C8orf34: variants seen among roughly 807,000 people sequenced by gnomAD.
C8orf34 encodes the protein chromosome 8 open reading frame 34.
A neutral mutation model predicts 68.3 loss-of-function variants in C8orf34; 65 were observed. The observed-to-expected ratio is 0.95, with a 90% CI of 0.78 to 1.17. C8orf34 has a LOEUF of 1.17. Among genes scored for constraint, C8orf34 ranks in the 50% most tolerant of loss-of-function variants. C8orf34 has a pLI of 0.00. For synonymous variants in C8orf34, 244 were observed against 241.2 expected (o/e 1.01, Z -0.11); for missense variants, 664 against 655.4 (o/e 1.01, Z -0.14).
At chr8:68,737,949 C>T (rs1173613684) in intron 10 of C8orf34, among the ~76,000 whole-genome samples, 1 of 152,116 alleles carries the variant, frequency 6.6e-6, no homozygotes, top group Admixed American at 6.5e-5. Context: ...ACAATACTCT[C>T]CATCCCAAAA....
At chr8:68,687,755 A>G (rs1420578555) in intron 8 of C8orf34, among the ~76,000 whole-genome samples, 1 of 152,054 alleles carries the variant, frequency 6.6e-6, no homozygotes, top group Non-Finnish European at 1.5e-5. Flanking sequence ...AAACAAAAAT[A>G]AATAAATAGG....
chr8:68,497,595 A>G (rs1450764675), intron 5 of C8orf34, among the ~76,000 whole-genome samples: 1 of 152,192 alleles, frequency 6.6e-6, no homozygotes, highest in Non-Finnish European at 1.5e-5. Flanking sequence ...ATAACAAAAG[A>G]GTAGAAAAAC....
At position 68,657,951 on chromosome 8, in the gene C8orf34, AT is replaced by A. The variant is rs200596043; in HGVS notation, c.1241+17449del. Among the ~76,000 whole-genome samples, 852 of 151,852 alleles carry A rather than the reference AT, an allele frequency of 5.6e-3. 12 individuals carry two copies. The highest frequency in any genetic ancestry group is 0.02 in the African/African-American group (816 of 41,440). ...CAAATTTCTACTCTGATGGTTTTAA[AT>A]TTTTTTTTATTATGGTCTCAAATAT... On this transcript the variant is annotated intron_variant, in intron 8 of 13. Transcript: ENST00000518698.
intron 4 of C8orf34, among the ~76,000 whole-genome samples, chr8:68,475,986 C>G (rs1165513094): frequency 6.6e-6 from 1 of 152,174 alleles, no homozygotes; most frequent in Admixed American, 6.5e-5. Flanking sequence ...CTGCTAATAG[C>G]AACCTGCACT....
intron 10 of C8orf34, among the ~76,000 whole-genome samples, chr8:68,744,599 G>A (rs1322219939): frequency 1.3e-5 from 2 of 152,104 alleles, no homozygotes; most frequent in Non-Finnish European, 2.9e-5. Context: ...AGAAGCCTCA[G>A]GAGCCGATGC....
chr8:68,463,707 T>C (rs1174724485), intron 3 of C8orf34, among the ~76,000 whole-genome samples: 5 of 152,148 alleles, frequency 3.3e-5, no homozygotes, highest in African/African-American at 9.7e-5. Context: ...ATTATCTCAA[T>C]AGATGCAGAA....
chr8:68,689,471 A>T (rs1004127028), intron 8 of C8orf34, among the ~76,000 whole-genome samples: 1 of 152,096 alleles, frequency 6.6e-6, no homozygotes, highest in Non-Finnish European at 1.5e-5. Context: ...TAACCCAGGT[A>T]ATGTGGCCTC....
chr8:68,594,071 G>A (rs539487333), intron 7 of C8orf34, among the ~76,000 whole-genome samples: 1 of 151,972 alleles, frequency 6.6e-6, no homozygotes, highest in East Asian at 1.9e-4. Flanking sequence ...CTTTTTTGGG[G>A]GCCATAGAGT....
At chr8:68,362,681 G>C (rs1018849634) in intron 1 of C8orf34, among the ~76,000 whole-genome samples, 35 of 152,238 alleles carry the variant, frequency 2.3e-4, no homozygotes, top group African/African-American at 8.4e-4. Context: ...GCAGCTGAGG[G>C]TCCTGTCTGT....
intron 6 of C8orf34, among the ~76,000 whole-genome samples, chr8:68,523,957 C>G (rs1814867507): frequency 6.6e-6 from 1 of 152,182 alleles, no homozygotes; most frequent in African/African-American, 2.4e-5. Flanking sequence ...GGGGCTGGCA[C>G]ATTTTTGTTG....
chr8:68,591,033 A>G (rs1349385907), intron 7 of C8orf34, among the ~76,000 whole-genome samples: 4 of 152,042 alleles, frequency 2.6e-5, no homozygotes, highest in African/African-American at 7.2e-5. Flanking sequence ...TGCATGAGAA[A>G]CCTATGTCGA....
chr8:68,401,809 T>C (rs1028398074), intron 1 of C8orf34, among the ~76,000 whole-genome samples: 10 of 151,978 alleles, frequency 6.6e-5, no homozygotes, highest in African/African-American at 2.4e-4. Context: ...AATGTTTTAT[T>C]GAGGACTTTT....
At position 68,576,963 on chromosome 8, in the gene C8orf34, A is replaced by G. The variant is rs1191840144; in HGVS notation, c.1105+43814A>G. ...AAACATTTATATCCTTATATTTATT[A>G]CTTAGCTGATTATGTATAATATTTG... On this transcript the variant is annotated intron_variant, in intron 7 of 13. Transcript: ENST00000518698. Among the ~76,000 whole-genome samples, 4 of 152,012 alleles carry G rather than the reference A, an allele frequency of 2.6e-5. No individual in the cohort carries two copies. In the South Asian group the frequency reaches 8.3e-4, roughly 31 times the overall value.
intron 8 of C8orf34, among the ~76,000 whole-genome samples, chr8:68,645,323 A>G (rs1334685701): frequency 2.0e-5 from 3 of 152,236 alleles, no homozygotes. Flanking sequence ...GCATGCTGGA[A>G]TAATTACTGT....
At position 68,760,737 on chromosome 8, in the gene C8orf34, T is replaced by C. The variant is rs541337417; in HGVS notation, c.1405-15662T>C. Among the ~76,000 whole-genome samples, 2 of 152,232 alleles carry C rather than the reference T, an allele frequency of 1.3e-5. 1 individual carries two copies. Among genetic ancestry groups the C allele is most frequent in the Non-Finnish European group, 2.9e-5 (2 of 68,040 alleles). ...CATAATAATTTACACTGAGGTTTAATGTAAATAATTTGTTGGGTTGACCCT... is the reference window on the plus strand; with the variant it reads ...CATAATAATTTACACTGAGGTTTAACGTAAATAATTTGTTGGGTTGACCCT... On this transcript the variant is annotated intron_variant, in intron 10 of 13. Transcript: ENST00000518698.
intron 7 of C8orf34, among the ~76,000 whole-genome samples, chr8:68,556,684 C>G (rs1356763006): frequency 6.6e-6 from 1 of 152,056 alleles, no homozygotes; most frequent in Admixed American, 6.5e-5. Flanking sequence ...GGATCCTCGG[C>G]CGATGTACTC....
intron 1 of C8orf34, among the ~76,000 whole-genome samples, chr8:68,364,820 A>G (rs1307616929): frequency 6.6e-6 from 1 of 151,542 alleles, no homozygotes; most frequent in African/African-American, 2.4e-5. Context: ...ACACCCTAAC[A>G]TCACAATTAA....
At chr8:68,690,084 G>T (rs977400541) in intron 8 of C8orf34, among the ~76,000 whole-genome samples, 1 of 151,998 alleles carries the variant, frequency 6.6e-6, no homozygotes, top group Non-Finnish European at 1.5e-5. Context: ...TGATATGGTG[G>T]GGTCAGGCCT....
At chr8:68,808,789 A>G (rs964548247) in intron 12 of C8orf34, among the ~76,000 whole-genome samples, 5 of 152,204 alleles carry the variant, frequency 3.3e-5, no homozygotes, top group Admixed American at 3.3e-4. Context: ...AACCCATAGG[A>G]CAACTATATT....
Sources: allele counts gnomAD v4.1 joint callset (sites outside exome capture counted in the v4.1 genomes callset), GRCh38; gene constraint gnomAD v4.1.1; transcripts MANE v1.5; gene names NCBI Gene and HGNC (gene_info 2026-07-23, HGNC 2026-07-21).